Variants in ZNF500 observed in about 807,000 individuals in gnomAD.
The protein encoded by ZNF500 is zinc finger protein 500.
ZNF500 carries 31 observed loss-of-function variants against 30.1 expected under a neutral mutation model. The ratio of observed to expected loss-of-function variants is 1.03; its 90% CI spans 0.77 to 1.39. The LOEUF is 1.39. Ranked by LOEUF, ZNF500 falls within the 40% of genes most tolerant of loss-of-function variation. The pLI, the probability that ZNF500 is intolerant of heterozygous loss-of-function variation, is 0.00. For missense variants in ZNF500, 817 were observed against 657.8 expected, an observed-to-expected ratio of 1.24 and a Z score of -2.65; for synonymous variants, 392 against 282.0, an observed-to-expected ratio of 1.39 and a Z score of -3.91.
At chr16:4,746,272 T>C, downstream of ZNF500, 2 of 1,279,670 alleles carry the variant, frequency 1.6e-6, no homozygotes, top group Non-Finnish European at 2.2e-6. Flanking sequence ...GAGTGGGCAC[T>C]CACTGGGTGG....
At position 4,762,991 on chromosome 16, in the gene ZNF500, C is replaced by T. The variant is rs1052945364; in HGVS notation, c.415-235G>A. On this transcript the variant is annotated intron_variant, in intron 2 of 5. Coordinates refer to ENST00000219478, the MANE Select transcript of ZNF500 (RefSeq NM_021646.4). Reference sequence around the variant, plus strand: ...AATCGTTTCCCCATCACATTCTTACCCTCTATTCCTTGGTCCTCCTGATAG... The same window carrying T: ...AATCGTTTCCCCATCACATTCTTACTCTCTATTCCTTGGTCCTCCTGATAG... 6.1e-6 allele frequency: 6 copies of T among 985,416 alleles called. No individual in the cohort carries two copies. The Admixed American group carries it at 3.1e-4, about 50-fold the overall frequency. 61.0% of individuals were successfully genotyped at this position (985,416 alleles called of 1,614,324 possible).
downstream of ZNF500, chr16:4,746,313 A>C (rs2082016979): frequency 6.6e-7 from 1 of 1,525,174 alleles, no homozygotes; most frequent in Non-Finnish European, 8.9e-7. Context: ...GGACAAACCC[A>C]GCGCAGGTCA....
chr16:4,762,603 G>C lies in ZNF500; in HGVS notation c.568C>G (p.Gln190Glu), dbSNP rs1277516512. Residue 190 changes from glutamine to glutamate, a missense_variant, in exon 3 of 6, where the codon CAG becomes GAG. Coordinates refer to ENST00000219478, the MANE Select transcript of ZNF500 (RefSeq NM_021646.4). ...QPPAQLSHRP[Q>E]RGPLLWPERG... is the part of the protein sequence containing the mutation. ...TCTGGCCACAACAGCGGGCCCCTCT[G>C]TGGCCTGTGGCTCAGCTGGGCTGGG... The C allele has an allele frequency of 1.9e-6, 3 of 1,613,912 alleles. No individual in the cohort carries two copies. The East Asian group carries it at 6.7e-5, about 36-fold the overall frequency.
chr16:4,764,106 A>T, intron 2 of ZNF500: 1 of 985,384 alleles, frequency 1.0e-6, no homozygotes, highest in Non-Finnish European at 1.2e-6. Flanking sequence ...GTGGAGAGGC[A>T]CTGTCTATAG....
Position 4,760,600 on chromosome 16 carries a change from C to T in ZNF500, c.664-12G>A, listed in dbSNP as rs754064307. 3.1e-5 allele frequency: 50 copies of T among 1,612,372 alleles called. No individual in the cohort carries two copies. The Middle Eastern group carries it at 5.0e-4, about 16-fold the overall frequency. ...AAGTTCACGGGCACCTGCCAGAACG[C>T]ACCCCACTCAGTCCTGGCCCCAAGC... On this transcript the variant is annotated splice_polypyrimidine_tract_variant and intron_variant, in intron 4 of 5. Transcript: ENST00000219478.
In ZNF500 at chr16:4,751,859, G is replaced by A. The variant is rs1257971544; in HGVS notation, c.*517C>T. The A allele has an allele frequency of 1.2e-5, 5 of 412,672 alleles. No homozygotes were observed. The highest frequency in any genetic ancestry group is 4.3e-6 in the Non-Finnish European group (1 of 232,658). The allele number at this position is 412,672 out of a possible 1,614,324, so 25.6% of individuals were successfully genotyped here. A position where few individuals can be genotyped will look rare whatever the true frequency, so the allele number is the denominator to read the frequency against. On this transcript the variant is annotated 3_prime_UTR_variant, in exon 6 of 6. Coordinates refer to ENST00000219478, the MANE Select transcript of ZNF500 (RefSeq NM_021646.4). The stretch of plus-strand genomic sequence containing the variant: ...GGGATTCGAGGCTGCAGTGAGCTAT[G>A]ATCATGGCACTGTATTCCCGCCTGG...
chr16:4,752,489 G>A lies in ZNF500; in HGVS notation c.1330C>T (p.Arg444Trp), dbSNP rs760137243. ...EKPYTCPACGRGFRRGTDLHK... is the reference protein window; with the variant it reads ...EKPYTCPACGWGFRRGTDLHK... ...AGGTCGGTGCCCCGGCGGAAGCCCC[G>A]GCCACAGGCCGGGCAGGTGTAGGGC... is the stretch of plus-strand genomic sequence containing the variant. The change falls in exon 6 of 6, where the codon CGG (arginine) becomes TGG (tryptophan). Residue 444 changes from arginine to tryptophan, a missense_variant. Physicochemically the swap from Arg to Trp is moderately radical, Grantham distance 101 (BLOSUM62 -3). Transcript: ENST00000219478. 3.4e-5 allele frequency: 53 copies of A among 1,548,916 alleles called. 1 individual carries two copies. The Middle Eastern group carries it at 5.0e-4, about 15-fold the overall frequency.
downstream of ZNF500, chr16:4,747,701 C>T: frequency 4.1e-6 from 6 of 1,467,648 alleles, no homozygotes; most frequent in East Asian, 2.4e-5. Flanking sequence ...CCGGTGTCCC[C>T]TTGTTGTTCC....
At chr16:4,758,211 TA>T (rs1029173741) in intron 5 of ZNF500, 4 of 152,040 alleles carry the variant, frequency 2.6e-5, no homozygotes, top group African/African-American at 7.3e-5. Flanking sequence ...TTTTTTTTTT[TA>T]AGCAAGATCA....
chr16:4,758,778 C>A (rs1217943106), intron 5 of ZNF500, among the ~76,000 whole-genome samples: 1 of 152,042 alleles, frequency 6.6e-6, no homozygotes, highest in African/African-American at 2.4e-5. Flanking sequence ...CAACCAGAGC[C>A]CCATACAACA....
At chr16:4,744,940 GGCCTCTGCTTGT>G, downstream of ZNF500, 2 of 1,613,926 alleles carry the variant, frequency 1.2e-6, no homozygotes, top group Non-Finnish European at 1.7e-6. Context: ...CGCAGTCCAA[GGCCTCTGCTTGT>G]GCCCGGAAGG....
chr16:4,746,692 G>T, downstream of ZNF500: 1 of 912,394 alleles, frequency 1.1e-6, no homozygotes. Context: ...AGGGAAGAGG[G>T]GCATGAGGCA....
intron 2 of ZNF500, 70 bp from the exon 3 acceptor site, chr16:4,762,826 C>T: frequency 6.7e-7 from 1 of 1,498,798 alleles, no homozygotes; most frequent in East Asian, 2.3e-5. Context: ...CAGGGCCCCA[C>T]ACCCCTCATC....
At position 4,752,157 on chromosome 16, in the gene ZNF500, C is replaced by A; in HGVS notation, c.*219G>T. On this transcript the variant is annotated 3_prime_UTR_variant, in exon 6 of 6. Coordinates refer to ENST00000219478, the MANE Select transcript of ZNF500 (RefSeq NM_021646.4). ...CCCTGCTCTGTGTCACCTGTTCTGG[C>A]TGCCACTGGACACTCAGAGCCTGTC... The A allele has an allele frequency of 7.2e-7, 1 of 1,381,128 alleles. No homozygotes were observed. The highest frequency in any genetic ancestry group is 9.3e-7 in the Non-Finnish European group (1 of 1,072,988). 85.6% of individuals were successfully genotyped at this position (1,381,128 alleles called of 1,614,324 possible).
At chr16:4,764,383 T>C (rs893559828) in intron 2 of ZNF500, among the ~76,000 whole-genome samples, 7 of 151,984 alleles carry the variant, frequency 4.6e-5, no homozygotes, top group Admixed American at 1.3e-4. Context: ...AAAATCAGCC[T>C]GGCGTGGTGG....
downstream of ZNF500, chr16:4,744,719 G>T: frequency 1.0e-6 from 1 of 967,936 alleles, no homozygotes. Context: ...AGTCCTCAGA[G>T]GGCTGAGTAG....
chr16:4,757,484 G>T (rs947458665), intron 5 of ZNF500, among the ~76,000 whole-genome samples: 1 of 152,066 alleles, frequency 6.6e-6, no homozygotes, highest in East Asian at 1.9e-4. Context: ...TTTTTTTGTA[G>T]AGACAAGGCT....
At chr16:4,765,323 T>A (rs2082252253) in intron 2 of ZNF500, among the ~76,000 whole-genome samples, 1 of 151,878 alleles carries the variant, frequency 6.6e-6, no homozygotes. Flanking sequence ...TGGCCTACCC[T>A]AGGACAGTGT....
Position 4,751,379 on chromosome 16 carries a change from C to G in ZNF500, c.*997G>C, listed in dbSNP as rs2082075839. 1 of 567,118 alleles carries G rather than the reference C, an allele frequency of 1.8e-6. No individual in the cohort carries two copies. The highest frequency in any genetic ancestry group is 1.9e-5 in the African/African-American group (1 of 52,168). 35.1% of individuals were successfully genotyped at this position (567,118 alleles called of 1,614,324 possible). The stretch of plus-strand genomic sequence containing the variant: ...CCAGGAGCAAACGCAGCCCTGGGCC[C>G]CGGCCCTGGGGAGATGTCAGGCCCG... On this transcript the variant is annotated 3_prime_UTR_variant, in exon 6 of 6. Coordinates refer to ENST00000219478, the MANE Select transcript of ZNF500 (RefSeq NM_021646.4).
Sources: gnomAD v4.1 joint callset for allele counts (sites outside exome capture counted in the v4.1 genomes callset) on GRCh38, gnomAD v4.1.1 for gene constraint, MANE v1.5 for transcripts, NCBI Gene and HGNC (gene_info 2026-07-23, HGNC 2026-07-21) for gene names.